ABCA13: variants seen among roughly 807,000 people sequenced by gnomAD.
ABCA13 encodes ATP binding cassette subfamily A member 13.
Under a neutral mutation model 478.7 loss-of-function variants are expected in ABCA13, and 476 were observed. The observed-to-expected ratio is 0.99, with a 90% CI of 0.92 to 1.07. The LOEUF is 1.07. Among genes scored for constraint, ABCA13 ranks in the 50% least tolerant of loss-of-function variants. The probability of loss-of-function intolerance (pLI) is 0.00; values close to 1 mark genes in which losing one functional copy is unlikely to be tolerated. For synonymous variants in ABCA13, 2,252 were observed against 2,158.9 expected, an observed-to-expected ratio of 1.04 and a Z score of -1.20; for missense variants, 6,060 against 5,910.6, an observed-to-expected ratio of 1.03 and a Z score of -0.83.
At chr7:48,467,074 G>A (rs1276989845) in intron 44 of ABCA13, 29 bp downstream of exon 44, 1 of 1,587,242 alleles carries the variant, frequency 6.3e-7, no homozygotes, top group Non-Finnish European at 8.7e-7. Context: ...CTGCAAAAGT[G>A]AACACTCCCA....
intron 27 of ABCA13, among the ~76,000 whole-genome samples, chr7:48,328,702 A>G (rs1804704348): frequency 6.6e-6 from 1 of 151,958 alleles, no homozygotes; most frequent in Admixed American, 6.6e-5. Flanking sequence ...ATAGCACATT[A>G]GAACATGAGG....
intron 48 of ABCA13, among the ~76,000 whole-genome samples, chr7:48,498,620 C>T (rs1265902849): frequency 6.6e-6 from 1 of 152,030 alleles, no homozygotes; most frequent in Non-Finnish European, 1.5e-5. Flanking sequence ...AATAGAATAG[C>T]ACCTATGGAA....
intron 59 of ABCA13, among the ~76,000 whole-genome samples, chr7:48,642,157 C>G (rs1015976779): frequency 6.6e-6 from 1 of 152,066 alleles, no homozygotes; most frequent in East Asian, 1.9e-4. Flanking sequence ...CATCTGACAG[C>G]CTGAAATTAA....
intron 42 of ABCA13, among the ~76,000 whole-genome samples, chr7:48,443,453 A>G (rs1585345268): frequency 6.6e-6 from 1 of 152,288 alleles, no homozygotes; most frequent in South Asian, 2.1e-4. Flanking sequence ...CTCTGTTTAC[A>G]CCATCCCTCC....
chr7:48,394,600 C>A (rs1453903115), intron 38 of ABCA13, among the ~76,000 whole-genome samples: 1 of 152,216 alleles, frequency 6.6e-6, no homozygotes, highest in East Asian at 1.9e-4. Context: ...AGATAGCAAA[C>A]CCCTTGACTA....
At chr7:48,351,198 A>G (rs573276920) in intron 30 of ABCA13, among the ~76,000 whole-genome samples, 2 of 152,342 alleles carry the variant, frequency 1.3e-5, no homozygotes, top group South Asian at 4.1e-4. Context: ...TCCTTTTATC[A>G]GAGTATCTTG....
At chr7:48,644,113 G>T (rs979658056) in intron 60 of ABCA13, among the ~76,000 whole-genome samples, 2 of 152,126 alleles carry the variant, frequency 1.3e-5, no homozygotes, top group Non-Finnish European at 2.9e-5. Flanking sequence ...TGCTGTGTGA[G>T]ACTGTCATTC....
At chr7:48,361,528 G>C (rs1343413853) in intron 31 of ABCA13, among the ~76,000 whole-genome samples, 2 of 150,514 alleles carry the variant, frequency 1.3e-5, no homozygotes, top group Non-Finnish European at 3.0e-5. Context: ...AACTTTTTCT[G>C]CTTTTATTTT....
intron 55 of ABCA13, among the ~76,000 whole-genome samples, chr7:48,549,468 A>G (rs767409166): frequency 1.3e-5 from 2 of 151,690 alleles, no homozygotes; most frequent in African/African-American, 2.4e-5. Flanking sequence ...TCTATCATTG[A>G]TGGGCATTTG....
chr7:48,584,767 T>G (rs888359504), intron 56 of ABCA13, among the ~76,000 whole-genome samples: 2 of 152,200 alleles, frequency 1.3e-5, no homozygotes, highest in African/African-American at 4.8e-5. Flanking sequence ...TTTGGAGATG[T>G]TTTTGTGACC....
chr7:48,556,196 CT>C (rs1785808246), intron 55 of ABCA13, among the ~76,000 whole-genome samples: 1 of 151,736 alleles, frequency 6.6e-6, no homozygotes, highest in South Asian at 2.1e-4. Context: ...GTTTTTGAAT[CT>C]TTTAAGATTT....
chr7:48,352,181 G>T lies in ABCA13; in HGVS notation c.10382G>T (p.Ser3461Ile), dbSNP rs775208364. The stretch of plus-strand genomic sequence containing the variant: ...TTCGTTTTTCCTTTTCTGCCACTAG[G>T]TATCATTTTCAGCAATTCCTTATTC... ...ELLQQNSFLA[S>I]IIFSNSLFDK... The change falls in exon 31 of 62, where the codon AGT becomes ATT. Residue 3461 changes from serine (S) to isoleucine (I), a missense_variant and splice_region_variant. Physicochemically the swap from Ser to Ile is moderately radical, Grantham distance 142. Transcript: ENST00000435803. 6.2e-7 allele frequency: 1 copy of T among 1,602,250 alleles called. No homozygotes were observed. Among genetic ancestry groups the T allele is most frequent in the Non-Finnish European group, 8.5e-7 (1 of 1,171,420 alleles).
At position 48,273,988 on chromosome 7, in the gene ABCA13, T is replaced by C. The variant is rs774294922; in HGVS notation, c.4322T>C (p.Val1441Ala). The change falls in exon 17 of 62, where the codon GTG (valine) becomes GCG (alanine). Residue 1441 changes from valine to alanine, a missense_variant. By Grantham distance (64) the Val-to-Ala change is moderately conservative. Coordinates refer to ENST00000435803, the MANE Select transcript of ABCA13 (RefSeq NM_152701.5). ...TCTATATTAAAAATTGTAACTTGGG[T>C]GTTAAATATAAAAAAACCTCTTTGT... ...MNSILKIVTW[V>A]LNIKKPLCSS... The C allele has an allele frequency of 3.1e-6, 5 of 1,609,038 alleles. No homozygotes were observed. In the Admixed American group the frequency reaches 5.0e-5, roughly 16 times the overall value.
At chr7:48,232,239 A>G (rs930125618) in intron 7 of ABCA13, among the ~76,000 whole-genome samples, 9 of 142,386 alleles carry the variant, frequency 6.3e-5, no homozygotes, top group African/African-American at 2.4e-4. Context: ...ACTGGGAAGT[A>G]TTTCTTATGC....
chr7:48,626,092 A>G (rs1442363674), intron 59 of ABCA13, among the ~76,000 whole-genome samples: 2 of 152,240 alleles, frequency 1.3e-5, no homozygotes, highest in Non-Finnish European at 2.9e-5. Flanking sequence ...TAAACCTGCA[A>G]ACATTACTGA....
chr7:48,444,861 T>C (rs546440345), intron 42 of ABCA13, among the ~76,000 whole-genome samples: 3 of 152,282 alleles, frequency 2.0e-5, no homozygotes, highest in Non-Finnish European at 2.9e-5. Context: ...TAGAGAATAT[T>C]GCTGCTCTCT....
chr7:48,463,422 T>C lies in ABCA13; in HGVS notation c.12816-3534T>C, dbSNP rs1454445558. On this transcript the variant is annotated intron_variant, in intron 43 of 61. Coordinates refer to ENST00000435803, the MANE Select transcript of ABCA13 (RefSeq NM_152701.5). ...TTTAGGAATAGAAGGCATCAGCTCC[T>C]TTAATTAAGCTTTTTCTTGACTATT... Among the ~76,000 whole-genome samples the C allele has an allele frequency of 2.0e-5, 3 of 152,188 alleles. No individual in the cohort carries two copies. In the East Asian group the frequency reaches 5.8e-4, roughly 29 times the overall value.
chr7:48,584,219 C>T (rs919205398), intron 56 of ABCA13, among the ~76,000 whole-genome samples: 1 of 152,156 alleles, frequency 6.6e-6, no homozygotes, highest in Non-Finnish European at 1.5e-5. Flanking sequence ...CACACATACA[C>T]ACATTTTCAT....
chr7:48,538,092 TTTCTTTCC>T (rs1833709001), intron 55 of ABCA13, among the ~76,000 whole-genome samples: 1 of 143,122 alleles, frequency 7.0e-6, no homozygotes. Context: ...TTTTTCTTTC[TTTCTTTCC>T]TTTTTTTTTT....
Sources: allele counts gnomAD v4.1 joint callset (sites outside exome capture counted in the v4.1 genomes callset), GRCh38; gene constraint gnomAD v4.1.1; transcripts MANE v1.5; gene names NCBI Gene and HGNC (gene_info 2026-07-23, HGNC 2026-07-21).